Variants in RAPGEF2 observed in about 807,000 individuals in gnomAD.
RAPGEF2 encodes PDZ domain containing guanine nucleotide exchange factor (GEF) 1.
Under a neutral mutation model 186.7 loss-of-function variants are expected in RAPGEF2, and 54 were observed. The observed-to-expected ratio is 0.29, with a 90% CI of 0.23 to 0.36. The LOEUF is 0.36. Among genes scored for constraint, RAPGEF2 ranks in the 10% least tolerant of loss-of-function variants. The probability of loss-of-function intolerance (pLI) is 1.00; values close to 1 mark genes in which losing one functional copy is unlikely to be tolerated. For missense variants in RAPGEF2, 1,532 were observed against 2,045.0 expected, an observed-to-expected ratio of 0.75 and a Z score of 4.84; for synonymous variants, 712 against 705.9, an observed-to-expected ratio of 1.01 and a Z score of -0.14.
intron 29 of RAPGEF2, 126 bp downstream of exon 29, chr4:159,356,284 A>G: frequency 9.9e-7 from 1 of 1,005,330 alleles, no homozygotes; most frequent in South Asian, 1.7e-5. Context: ...CACAAAGTAC[A>G]CTACATTCAG....
intron 7 of RAPGEF2, among the ~76,000 whole-genome samples, chr4:159,282,299 C>G (rs563317244): frequency 6.6e-6 from 1 of 152,168 alleles, no homozygotes. Flanking sequence ...ATTAACTACT[C>G]TTTACACATT....
chr4:159,348,218 C>CGATAGATAGATAGATAGATAGATAGATA (rs535075782), intron 25 of RAPGEF2, among the ~76,000 whole-genome samples: 18 of 145,736 alleles, frequency 1.2e-4, no homozygotes, highest in African/African-American at 4.6e-4. Context: ...AAGACTCTGT[C>CGATAGATAGATAGATAGATAGATAGATA]GATAGATAGA....
At chr4:159,352,558 A>G in intron 26 of RAPGEF2, 127 bp from the exon 27 acceptor site, 1 of 679,426 alleles carries the variant, frequency 1.5e-6, no homozygotes, top group South Asian at 1.9e-5. Context: ...TACAAGTGAA[A>G]TGGGGTTTTT....
intron 1 of RAPGEF2, among the ~76,000 whole-genome samples, chr4:159,105,394 A>G (rs2306651): frequency 0.18 from 27,109 of 152,164 alleles, 2,486 homozygotes; most frequent in Admixed American, 0.24. Context: ...TGGGGAGAGC[A>G]TAATAAAATA....
intron 7 of RAPGEF2, among the ~76,000 whole-genome samples, chr4:159,281,364 A>T (rs1759679913): frequency 1.3e-5 from 2 of 151,914 alleles, no homozygotes; most frequent in Non-Finnish European, 2.9e-5. Flanking sequence ...GTCTTACCTC[A>T]CAATATTGTT....
rs142194815 is a variant in RAPGEF2 at position 159,182,464 on chromosome 4, C to T, written c.70-4178C>T. ...AGGCAGGAGTGCAGTGGTACAATCT[C>T]GGCTCACTGCAACCTCCTTCTCCTG... On this transcript the variant is annotated intron_variant, in intron 1 of 29. Coordinates refer to ENST00000691494, the MANE Select transcript of RAPGEF2 (RefSeq NM_001394067.2). Among the ~76,000 whole-genome samples the T allele has an allele frequency of 9.1e-3, 1,299 of 142,626 alleles. 17 individuals carry two copies. Among genetic ancestry groups the T allele is most frequent in the African/African-American group, 0.032 (1,252 of 38,766 alleles). The allele number at this position is 142,626 out of a possible 152,430, so 93.6% of individuals were successfully genotyped here.
chr4:159,238,034 TAACTG>T (rs1753498862), intron 4 of RAPGEF2, among the ~76,000 whole-genome samples: 1 of 151,260 alleles, frequency 6.6e-6, no homozygotes, highest in South Asian at 2.1e-4. Context: ...AAAAAAAAAT[TAACTG>T]GAAGGAAAGA....
At chr4:159,338,222 AAT>A in intron 17 of RAPGEF2, 87 bp from the exon 18 acceptor site, 2 of 1,187,228 alleles carry the variant, frequency 1.7e-6, no homozygotes, top group Non-Finnish European at 2.3e-6. Flanking sequence ...AAAAAAATGG[AAT>A]ATGGTTTTTG....
At chr4:159,113,581 A>T (rs998179286) in intron 1 of RAPGEF2, among the ~76,000 whole-genome samples, 3 of 151,920 alleles carry the variant, frequency 2.0e-5, no homozygotes, top group African/African-American at 4.8e-5. Flanking sequence ...TCTCTACTAC[A>T]TATACAAAAA....
chr4:159,220,892 A>G (rs1751469124), intron 4 of RAPGEF2, among the ~76,000 whole-genome samples: 2 of 152,200 alleles, frequency 1.3e-5, no homozygotes, highest in East Asian at 1.9e-4. Flanking sequence ...AAGTTTGACA[A>G]TATTATGATA....
chr4:159,120,228 C>T (rs1739508930), intron 1 of RAPGEF2, among the ~76,000 whole-genome samples: 1 of 152,172 alleles, frequency 6.6e-6, no homozygotes, highest in Admixed American at 6.5e-5. Flanking sequence ...CCATGTTGGC[C>T]AGGCTGGTCT....
At chr4:159,121,100 G>T (rs543119078) in intron 1 of RAPGEF2, among the ~76,000 whole-genome samples, 2 of 152,246 alleles carry the variant, frequency 1.3e-5, no homozygotes, top group Admixed American at 1.3e-4. Context: ...CTATCTGCCT[G>T]CCTTGGCCTC....
chr4:159,104,043 G>T lies in RAPGEF2; in HGVS notation c.-120G>T. The T allele has an allele frequency of 2.5e-6, 1 of 403,904 alleles. No individual in the cohort carries two copies. The highest frequency in any genetic ancestry group is 3.4e-6 in the Non-Finnish European group (1 of 291,318). The allele number at this position is 403,904 out of a possible 1,614,324, so 25.0% of individuals were successfully genotyped here. ...CCCCGCGCCGCCGCCGCCGCGGTTTGGCTGATTAGTCGCGGGCGGGCGGGC... is the reference window on the plus strand; with the variant it reads ...CCCCGCGCCGCCGCCGCCGCGGTTTTGCTGATTAGTCGCGGGCGGGCGGGC... On this transcript the variant is annotated 5_prime_UTR_variant, in exon 1 of 30. Coordinates refer to ENST00000691494, the MANE Select transcript of RAPGEF2 (RefSeq NM_001394067.2).
Position 159,320,259 on chromosome 4 carries a change from A to G in RAPGEF2, c.854-2088A>G, listed in dbSNP as rs540441005. Among the ~76,000 whole-genome samples, 16 of 152,256 alleles carry G rather than the reference A, an allele frequency of 1.1e-4. 1 individual carries two copies. In the South Asian group the frequency reaches 2.5e-3, roughly 24 times the overall value. On this transcript the variant is annotated intron_variant, in intron 9 of 29. Transcript: ENST00000691494. ...ATAATGCAAATCAAAAGGTCAATGC[A>G]TTGGTAAAACAATGATTCCTGCCTC...
chr4:159,337,889 C>CAAAAAAAAAAAAA (rs553291521), intron 17 of RAPGEF2, among the ~76,000 whole-genome samples: 426 of 32,536 alleles, frequency 0.013, 43 homozygotes, highest in Non-Finnish European at 0.029. Context: ...GACTCCATCT[C>CAAAAAAAAAAAAA]AAAAAAAAAA....
At chr4:159,272,582 CAG>C (rs1474549059) in intron 7 of RAPGEF2, among the ~76,000 whole-genome samples, 1 of 152,162 alleles carries the variant, frequency 6.6e-6, no homozygotes, top group East Asian at 1.9e-4. Flanking sequence ...AGTTAGATGA[CAG>C]ATTACATCTG....
chr4:159,270,617 G>T (rs1209680664), intron 7 of RAPGEF2, among the ~76,000 whole-genome samples: 1 of 152,086 alleles, frequency 6.6e-6, no homozygotes, highest in Non-Finnish European at 1.5e-5. Flanking sequence ...GAACCTTTCA[G>T]ATCTCATGGG....
At chr4:159,315,041 A>G (rs1456494581) in intron 9 of RAPGEF2, among the ~76,000 whole-genome samples, 1 of 152,104 alleles carries the variant, frequency 6.6e-6, no homozygotes, top group African/African-American at 2.4e-5. Context: ...TATGACAAAA[A>G]AAAAAAAAGT....
At chr4:159,183,957 G>T (rs1747290618) in intron 1 of RAPGEF2, among the ~76,000 whole-genome samples, 1 of 152,080 alleles carries the variant, frequency 6.6e-6, no homozygotes, top group South Asian at 2.1e-4. Context: ...TGTTCTCATT[G>T]TTCAGTTCCC....
Sources: allele counts gnomAD v4.1 joint callset (sites outside exome capture counted in the v4.1 genomes callset), GRCh38; gene constraint gnomAD v4.1.1; transcripts MANE v1.5; gene names NCBI Gene and HGNC (gene_info 2026-07-23, HGNC 2026-07-21).